The following REDIC1 variants were observed in gnomAD, a reference collection of about 807,000 sequenced individuals.
The protein encoded by REDIC1 is HEI10 Interacting Protein 1.
chr12:39,862,784 A>G, the REDIC1 span, among the ~76,000 whole-genome samples: 1 of 152,150 alleles, frequency 6.6e-6, no homozygotes, highest in African/African-American at 2.4e-5. Flanking sequence ...ACAAGTATAC[A>G]ATGTGTAATG....
chr12:39,897,646 G>A, the REDIC1 span, among the ~76,000 whole-genome samples: 1 of 151,946 alleles, frequency 6.6e-6, no homozygotes, highest in Non-Finnish European at 1.5e-5. Context: ...ATACTGAGAA[G>A]GTGAATTTTT....
chr12:39,683,188 C>A, the REDIC1 span: 1 of 1,473,342 alleles, frequency 6.8e-7, no homozygotes, highest in Non-Finnish European at 9.1e-7. Flanking sequence ...TTTTTTCTTT[C>A]AGTTTTAGTA....
At chr12:39,800,260 A>C in the REDIC1 span, among the ~76,000 whole-genome samples, 1 of 152,212 alleles carries the variant, frequency 6.6e-6, no homozygotes, top group Non-Finnish European at 1.5e-5. Context: ...ATCTCTTCTG[A>C]GAATAATATA....
At chr12:39,722,109 A>G in the REDIC1 span, among the ~76,000 whole-genome samples, 1 of 152,130 alleles carries the variant, frequency 6.6e-6, no homozygotes, top group Admixed American at 6.6e-5. Flanking sequence ...ACCCAAAATA[A>G]AATTGTTAGA....
chr12:39,711,719 A>ATGTGTGTG, the REDIC1 span, among the ~76,000 whole-genome samples: 1 of 11,656 alleles, frequency 8.6e-5, no homozygotes, highest in African/African-American at 2.0e-4. Flanking sequence ...ATGCATGTGT[A>ATGTGTGTG]TGCACATGCA....
the REDIC1 span, among the ~76,000 whole-genome samples, chr12:39,779,363 C>T: frequency 6.6e-6 from 1 of 152,184 alleles, no homozygotes; most frequent in Non-Finnish European, 1.5e-5. Context: ...TGTTTTTCTA[C>T]ACTTAAGCCT....
the REDIC1 span, among the ~76,000 whole-genome samples, chr12:39,895,760 GTA>G: frequency 9.0e-3 from 325 of 36,090 alleles, 68 homozygotes; most frequent in African/African-American, 0.026. Flanking sequence ...GCGTGTATAC[GTA>G]CACACATGTA....
the REDIC1 span, among the ~76,000 whole-genome samples, chr12:39,733,860 G>A: frequency 1.3e-5 from 2 of 152,208 alleles, no homozygotes; most frequent in South Asian, 4.1e-4. Context: ...GGGATCTGCT[G>A]AACTAGGCTA....
the REDIC1 span, among the ~76,000 whole-genome samples, chr12:39,670,964 T>C: frequency 6.6e-6 from 1 of 152,184 alleles, no homozygotes; most frequent in African/African-American, 2.4e-5. Context: ...GTATTTTCTA[T>C]CTGTGTTCTT....
chr12:39,671,388 A>T, the REDIC1 span, among the ~76,000 whole-genome samples: 1 of 152,158 alleles, frequency 6.6e-6, no homozygotes, highest in Admixed American at 6.5e-5. Flanking sequence ...TGGGGATGGG[A>T]TGCCAGGTGG....
chr12:39,815,330 TTG>T, the REDIC1 span, among the ~76,000 whole-genome samples: 1 of 152,200 alleles, frequency 6.6e-6, no homozygotes, highest in Admixed American at 6.5e-5. Context: ...CTGGCCTTTA[TTG>T]TTAACTATTG....
chr12:39,866,039 G>T, the REDIC1 span, among the ~76,000 whole-genome samples: 1 of 152,148 alleles, frequency 6.6e-6, no homozygotes. Flanking sequence ...TTAAAAAAGA[G>T]AATATGGCTG....
chr12:39,818,203 T>C, the REDIC1 span, among the ~76,000 whole-genome samples: 1 of 151,970 alleles, frequency 6.6e-6, no homozygotes, highest in Non-Finnish European at 1.5e-5. Context: ...GTTCCTAAAA[T>C]CATCTGATTC....
chr12:39,788,203 C>T, the REDIC1 span, among the ~76,000 whole-genome samples: 1 of 152,084 alleles, frequency 6.6e-6, no homozygotes, highest in South Asian at 2.1e-4. Context: ...CATTTTCCTA[C>T]ATTTATAAAC....
the REDIC1 span, chr12:39,650,240 G>A: frequency 1.0e-5 from 16 of 1,588,486 alleles, no homozygotes; most frequent in South Asian, 2.3e-5. The surrounding 1 kb of genome is among the most constrained non-coding windows in gnomAD (Gnocchi z 4.3). Context: ...TTTTTTCAGC[G>A]CAGTACTGTT....
the REDIC1 span, among the ~76,000 whole-genome samples, chr12:39,737,707 T>G: frequency 6.6e-6 from 1 of 152,252 alleles, no homozygotes; most frequent in Admixed American, 6.5e-5. Flanking sequence ...TCTGTTTGAC[T>G]TCAAAGCCTA....
At chr12:39,836,304 G>A in the REDIC1 span, among the ~76,000 whole-genome samples, 934 of 152,208 alleles carry the variant, frequency 6.1e-3, 11 homozygotes, top group African/African-American at 0.021. Flanking sequence ...AACTCAAATA[G>A]AGGAAATTAG....
At chr12:39,797,276 A>AC in the REDIC1 span, among the ~76,000 whole-genome samples, 2 of 152,212 alleles carry the variant, frequency 1.3e-5, no homozygotes, top group African/African-American at 4.8e-5. Context: ...TTTGCAATGT[A>AC]ATTATCTTTA....
chr12:39,805,446 A>G, the REDIC1 span, among the ~76,000 whole-genome samples: 1 of 151,910 alleles, frequency 6.6e-6, no homozygotes, highest in South Asian at 2.1e-4. Context: ...GAAGGAGCAC[A>G]GACAGGATAA....
Sources: allele counts gnomAD v4.1 joint callset (sites outside exome capture counted in the v4.1 genomes callset), GRCh38; gene constraint gnomAD v4.1.1; non-coding constraint Gnocchi (gnomAD v3.1); transcripts MANE v1.5; gene names NCBI Gene and HGNC (gene_info 2026-07-23, HGNC 2026-07-21).